The following DOCK10 variants were observed in gnomAD, a reference collection of about 807,000 sequenced individuals.
DOCK10 encodes the protein dedicator of cytokinesis protein 10.
Under a neutral mutation model 280.1 loss-of-function variants are expected in DOCK10, and 145 were observed. That is an observed-to-expected ratio of 0.52 (90% CI 0.45 to 0.59). DOCK10 has a LOEUF of 0.59. Ranked by LOEUF, DOCK10 falls within the 20% of genes least tolerant of loss-of-function variation. DOCK10 has a pLI of 0.00. For synonymous variants in DOCK10, 915 were observed against 942.2 expected (o/e 0.97, Z 0.53); for missense variants, 2,368 against 2,651.7 (o/e 0.89, Z 2.35).
intron 1 of DOCK10, among the ~76,000 whole-genome samples, chr2:225,011,639 C>A (rs1320918079): frequency 6.6e-6 from 1 of 152,172 alleles, no homozygotes. Context: ...AGACTCTGAA[C>A]TTTAGCAAAG....
At chr2:224,781,922 G>C (rs1382618580) in intron 50 of DOCK10, among the ~76,000 whole-genome samples, 1 of 151,890 alleles carries the variant, frequency 6.6e-6, no homozygotes, top group Non-Finnish European at 1.5e-5. Context: ...CAAATATTAG[G>C]GCCCCTGGTA....
At chr2:224,880,707 T>C (rs1698928537) in intron 7 of DOCK10, among the ~76,000 whole-genome samples, 1 of 152,196 alleles carries the variant, frequency 6.6e-6, no homozygotes, top group Admixed American at 6.5e-5. Context: ...TTCCACAATG[T>C]TCATCTGAAA....
At chr2:224,785,291 G>T (rs1456422577) in intron 50 of DOCK10, among the ~76,000 whole-genome samples, 5 of 94,192 alleles carry the variant, frequency 5.3e-5, no homozygotes, top group Non-Finnish European at 9.3e-5. Flanking sequence ...GTCTAAATTT[G>T]CTTTTTTTTT....
At chr2:224,836,129 C>A (rs1695578078) in intron 25 of DOCK10, among the ~76,000 whole-genome samples, 1 of 152,142 alleles carries the variant, frequency 6.6e-6, no homozygotes, top group Admixed American at 6.5e-5. Context: ...AATGGAGATG[C>A]CTGTGTGTAA....
chr2:224,839,974 T>C lies in DOCK10; in HGVS notation c.2760A>G (p.Glu920=). 6.5e-7 allele frequency: 1 copy of C among 1,536,386 alleles called. No individual in the cohort carries two copies. The highest frequency in any genetic ancestry group is 8.8e-7 in the Non-Finnish European group (1 of 1,130,540). ...GATACCTGGTGACAGTTGTAGTTAT[T>C]TCATCTTCCTCATTCTGTACCAGAA... ...FKVLVQNEED[E]ITTTVTRVLT... is the part of the protein sequence containing the mutation. The change falls in exon 24 of 56, where the codon GAA becomes GAG. Residue 920 remains glutamate (E), a synonymous_variant. Coordinates refer to ENST00000258390, the MANE Select transcript of DOCK10 (RefSeq NM_014689.3).
intron 2 of DOCK10, among the ~76,000 whole-genome samples, chr2:224,926,296 G>A (rs1000096490): frequency 7.2e-5 from 11 of 152,210 alleles, no homozygotes; most frequent in African/African-American, 2.7e-4. Flanking sequence ...ATAATCTATT[G>A]AATGCCTATG....
At chr2:224,902,263 CA>C (rs1022837907) in intron 3 of DOCK10, among the ~76,000 whole-genome samples, 1 of 152,068 alleles carries the variant, frequency 6.6e-6, no homozygotes, top group Non-Finnish European at 1.5e-5. Context: ...AAGCAAGTAA[CA>C]TTTTTTTTTC....
In DOCK10 at chr2:224,808,044, T is replaced by A; in HGVS notation, c.3452A>T (p.His1151Leu). The change falls in exon 32 of 56, where the codon CAC (histidine) becomes CTC (leucine). Residue 1151 changes from histidine (H) to leucine (L), a missense_variant. By Grantham distance (99) the His-to-Leu change is moderately conservative. Around this residue, in one of 2 missense-constraint regions of DOCK10, gnomAD observed 1,159 missense variants for 1,400.8 expected, o/e 0.83. Coordinates refer to ENST00000258390, the MANE Select transcript of DOCK10 (RefSeq NM_014689.3). ...YSVTNEFCRK[H>L]FLIGILLREV... ...TCGGAGCAGAATTCCGATTAAGAAG[T>A]GTTTGCGACAAAATTCATTTGTGAC... The A allele has an allele frequency of 6.2e-7, 1 of 1,612,692 alleles. No homozygotes were observed. Among genetic ancestry groups the A allele is most frequent in the Non-Finnish European group, 8.5e-7 (1 of 1,179,232 alleles).
chr2:224,886,068 C>G lies in DOCK10; in HGVS notation c.607G>C (p.Val203Leu). 6.2e-7 allele frequency: 1 copy of G among 1,613,826 alleles called. No individual in the cohort carries two copies. The highest frequency in any genetic ancestry group is 8.5e-7 in the Non-Finnish European group (1 of 1,179,848). Reference protein sequence around the residue: ...FNSTVNNTVTVRSFKKRYFQL... With the variant: ...FNSTVNNTVTLRSFKKRYFQL... The stretch of plus-strand genomic sequence containing the variant: ...GAGTCTTGATATCTCCTTACCCGAA[C>G]AGTAACGGTGTTGTTCACGGTGCTG... The change falls in exon 6 of 56, where the codon GTT becomes CTT. Residue 203 changes from valine (V) to leucine (L), a missense_variant. This residue lies in a region of DOCK10 where 1,209 missense variants were observed against 1,250.9 expected (regional missense o/e 0.97). Coordinates refer to ENST00000258390, the MANE Select transcript of DOCK10 (RefSeq NM_014689.3).
At chr2:224,793,577 C>A (rs950715850) in intron 45 of DOCK10, 120 bp from the exon 46 acceptor site, 4 of 636,628 alleles carry the variant, frequency 6.3e-6, no homozygotes, top group Non-Finnish European at 7.7e-6. Flanking sequence ...TTTGTAATCA[C>A]CAAATTGAAA....
intron 13 of DOCK10, among the ~76,000 whole-genome samples, chr2:224,863,457 C>CT (rs541352887): frequency 4.7e-5 from 7 of 148,432 alleles, no homozygotes; most frequent in Admixed American, 6.7e-5. Flanking sequence ...CTTTTCTTTT[C>CT]TTTTTTTTTT....
intron 7 of DOCK10, among the ~76,000 whole-genome samples, chr2:224,879,434 A>G (rs1048978578): frequency 6.6e-6 from 1 of 152,130 alleles, no homozygotes; most frequent in Non-Finnish European, 1.5e-5. Flanking sequence ...TCACAGCACA[A>G]TTTCCTTCAA....
intron 1 of DOCK10, among the ~76,000 whole-genome samples, chr2:224,942,366 A>G (rs1703143045): frequency 6.6e-6 from 1 of 151,976 alleles, no homozygotes; most frequent in African/African-American, 2.4e-5. Flanking sequence ...TCCCCCGGTT[A>G]CTCCTGCTTC....
At chr2:224,941,592 C>T (rs1427785845) in intron 1 of DOCK10, among the ~76,000 whole-genome samples, 1 of 151,990 alleles carries the variant, frequency 6.6e-6, no homozygotes. Context: ...GTCTGTAATC[C>T]CAGAACGTTG....
In DOCK10 at chr2:224,770,887, ATTTTTT is replaced by A. The variant is rs139760578; in HGVS notation, c.6205-248_6205-243del. ...TTCAGTCCTTTGCCAACCCCTTCAC[ATTTTTT>A]TTTTTTGTCATATCTGTACGTTGCT... On this transcript the variant is annotated intron_variant, in intron 53 of 55. Coordinates refer to ENST00000258390, the MANE Select transcript of DOCK10 (RefSeq NM_014689.3). The surrounding 1 kb of genome is among the most constrained non-coding windows in gnomAD (Gnocchi z 4.5). 7.0e-6 allele frequency among the ~76,000 whole-genome samples: 1 copy of A among 141,976 alleles called. No homozygotes were observed. Among genetic ancestry groups the A allele is most frequent in the Non-Finnish European group, 1.5e-5 (1 of 64,550 alleles). The allele number at this position is 141,976 out of a possible 152,430, so 93.1% of individuals were successfully genotyped here.
chr2:225,034,160 G>A (rs1690160146), intron 1 of DOCK10, among the ~76,000 whole-genome samples: 1 of 152,218 alleles, frequency 6.6e-6, no homozygotes, highest in Admixed American at 6.5e-5. Flanking sequence ...TTTCGCTGAT[G>A]GATGCAAGCT....
At chr2:224,911,047 A>T (rs977682872) in intron 3 of DOCK10, among the ~76,000 whole-genome samples, 2 of 152,056 alleles carry the variant, frequency 1.3e-5, no homozygotes, top group Non-Finnish European at 2.9e-5. Flanking sequence ...ATGTTGCCCA[A>T]GAGAGTTGAA....
intron 1 of DOCK10, among the ~76,000 whole-genome samples, chr2:224,942,523 G>A (rs1703153768): frequency 6.6e-6 from 1 of 152,144 alleles, no homozygotes; most frequent in South Asian, 2.1e-4. Context: ...TAACTGGCTC[G>A]TTTCACAACA....
intron 2 of DOCK10, among the ~76,000 whole-genome samples, chr2:224,918,163 T>G (rs1177939455): frequency 6.6e-6 from 1 of 152,222 alleles, no homozygotes; most frequent in African/African-American, 2.4e-5. Flanking sequence ...TTTCTCCAAA[T>G]CTCTCCTTTC....
Sources: gnomAD v4.1 joint callset for allele counts (sites outside exome capture counted in the v4.1 genomes callset) on GRCh38, gnomAD v4.1.1 for gene constraint, gnomAD v4.1.1 regional missense constraint, Gnocchi (gnomAD v3.1) non-coding constraint, MANE v1.5 for transcripts, NCBI Gene and HGNC (gene_info 2026-07-23, HGNC 2026-07-21) for gene names.